The following CCNI2 variants were observed in gnomAD, a reference collection of about 807,000 sequenced individuals.
The protein encoded by CCNI2 is cyclin-I2.
A neutral mutation model predicts 33.2 loss-of-function variants in CCNI2; 32 were observed. That is an observed-to-expected ratio of 0.96 (90% CI 0.73 to 1.30). The LOEUF (loss-of-function observed/expected upper bound fraction) is 1.30, where lower values mean the gene tolerates loss of function less well. Ranked by LOEUF, CCNI2 falls within the 50% of genes most tolerant of loss-of-function variation. The probability of loss-of-function intolerance (pLI) is 0.00; values close to 1 mark genes in which losing one functional copy is unlikely to be tolerated. For synonymous variants in CCNI2, 231 were observed against 219.9 expected (o/e 1.05, Z -0.45); for missense variants, 452 against 486.2 (o/e 0.93, Z 0.66).
rs939738631 is a variant in CCNI2 at position 132,750,543 on chromosome 5, G to A, written c.634-314G>A. ...ACCCATGGCTCCTGGAAAGCTTGGG[G>A]TGAGTTCTTGCAGCTGAACAGGGGA... On this transcript the variant is annotated intron_variant, in intron 3 of 5. Transcript: ENST00000378731. Among the ~76,000 whole-genome samples, 3 of 152,188 alleles carry A rather than the reference G, an allele frequency of 2.0e-5. No homozygotes were observed. The East Asian group carries it at 5.8e-4, about 29-fold the overall frequency.
Position 132,748,356 on chromosome 5 carries a change from T to A in CCNI2, c.439T>A (p.Cys147Ser). Residue 147 changes from cysteine to serine, a missense_variant, in exon 2 of 6, where the codon TGC becomes AGC. Cys to Ser is a moderately radical substitution (Grantham distance 112). Coordinates refer to ENST00000378731, the MANE Select transcript of CCNI2 (RefSeq NM_001039780.4). ...CTCTTCTTCCTAGCAGGATGAAATCTGCGACGCCTTCGAGGAAGTCGTGCT... is the reference window on the plus strand; with the variant it reads ...CTCTTCTTCCTAGCAGGATGAAATCAGCGACGCCTTCGAGGAAGTCGTGCT... Reference protein sequence around the residue: ...WRGGKPQDEICDAFEEVVLWL... With the variant: ...WRGGKPQDEISDAFEEVVLWL... 1 of 1,614,130 alleles carries A rather than the reference T, an allele frequency of 6.2e-7. No homozygotes were observed. The highest frequency in any genetic ancestry group is 8.5e-7 in the Non-Finnish European group (1 of 1,179,996).
downstream of CCNI2, among the ~76,000 whole-genome samples, chr5:132,755,696 C>G (rs939588467): frequency 6.6e-6 from 1 of 152,208 alleles, no homozygotes; most frequent in Non-Finnish European, 1.5e-5. Context: ...GAACACTCCT[C>G]AAGGGCAGGT....
Position 132,750,839 on chromosome 5 carries a change from T to C in CCNI2, c.634-18T>C. Reference sequence around the variant, plus strand: ...TGACATGATGTAGGGCTTTGGCCTCTTTATTTTCTTTTTACAGTTTATTCC... The same window carrying C: ...TGACATGATGTAGGGCTTTGGCCTCCTTATTTTCTTTTTACAGTTTATTCC... On this transcript the variant is annotated intron_variant, in intron 3 of 5. Transcript: ENST00000378731. 5.0e-6 allele frequency: 8 copies of C among 1,612,224 alleles called. No homozygotes were observed. The highest frequency in any genetic ancestry group is 1.7e-4 in the Middle Eastern group (1 of 6,012).
chr5:132,747,426 A>C lies in CCNI2; in HGVS notation c.-70A>C. Reference sequence around the variant, plus strand: ...CTCCCCCGGCGGCGCCCCAGGCTGCAGTGTTCCGGGAGCTGGGTTATAAAA... The same window carrying C: ...CTCCCCCGGCGGCGCCCCAGGCTGCCGTGTTCCGGGAGCTGGGTTATAAAA... On this transcript the variant is annotated 5_prime_UTR_variant, in exon 1 of 6. Coordinates refer to ENST00000378731, the MANE Select transcript of CCNI2 (RefSeq NM_001039780.4). This position sits in a 1 kb window ranked among gnomAD's most constrained non-coding sequence, Gnocchi z 4.1. 7.6e-7 allele frequency: 1 copy of C among 1,321,602 alleles called. No homozygotes were observed. 81.9% of individuals were successfully genotyped at this position (1,321,602 alleles called of 1,614,324 possible). A position where few individuals can be genotyped will look rare whatever the true frequency, so the allele number is the denominator to read the frequency against.
At position 132,747,780 on chromosome 5, in the gene CCNI2, C is replaced by G; in HGVS notation, c.285C>G (p.Ala95=). The part of the protein sequence containing the change: ...AGKTADAVPA[A]APEQAPRPAP... ...AAACCGCAGACGCGGTCCCCGCCGC[C>G]GCCCCAGAGCAAGCTCCGCGGCCGG... The change falls in exon 1 of 6, where the codon GCC becomes GCG. Residue 95 remains alanine, a synonymous_variant. Transcript: ENST00000378731. This position sits in a 1 kb window ranked among gnomAD's most constrained non-coding sequence, Gnocchi z 4.1. 1 of 1,470,144 alleles carries G rather than the reference C, an allele frequency of 6.8e-7. No homozygotes were observed. Among genetic ancestry groups the G allele is most frequent in the Non-Finnish European group, 8.9e-7 (1 of 1,118,700 alleles). 91.1% of individuals were successfully genotyped at this position (1,470,144 alleles called of 1,614,324 possible).
intron 4 of CCNI2, 76 bp downstream of exon 4, chr5:132,751,073 G>A: frequency 6.4e-7 from 1 of 1,557,990 alleles, no homozygotes; most frequent in Non-Finnish European, 8.7e-7. Context: ...AACATGGGAT[G>A]GCAAAGCACA....
Position 132,752,850 on chromosome 5 carries a change from C to T in CCNI2, c.1006-16C>T. 1.2e-6 allele frequency: 2 copies of T among 1,604,314 alleles called. No individual in the cohort carries two copies. The highest frequency in any genetic ancestry group is 1.7e-6 in the Non-Finnish European group (2 of 1,171,798). ...TGATGGTTCTGCTTGAAGATGGCCA[C>T]TCTATTCTAATACAGGTTGGTGATA... is the stretch of plus-strand genomic sequence containing the variant. On this transcript the variant is annotated splice_polypyrimidine_tract_variant and intron_variant, in intron 5 of 5. Coordinates refer to ENST00000378731, the MANE Select transcript of CCNI2 (RefSeq NM_001039780.4).
chr5:132,747,898 C>G lies in CCNI2; in HGVS notation c.403C>G (p.Arg135Gly), dbSNP rs1006177020. Reference protein sequence around the residue: ...HLQLAQDREARLWRGGKPQDE... With the variant: ...HLQLAQDREAGLWRGGKPQDE... ...GCAGCTGGCCCAGGACCGCGAGGCGCGCCTGTGGCGGGGCGGCAAACCCCA... is the reference window on the plus strand; with the variant it reads ...GCAGCTGGCCCAGGACCGCGAGGCGGGCCTGTGGCGGGGCGGCAAACCCCA... Residue 135 changes from arginine (R) to glycine (G), a missense_variant, in exon 1 of 6, where the codon CGC becomes GGC. Coordinates refer to ENST00000378731, the MANE Select transcript of CCNI2 (RefSeq NM_001039780.4). This position sits in a 1 kb window ranked among gnomAD's most constrained non-coding sequence, Gnocchi z 4.1. 5.0e-6 allele frequency: 7 copies of G among 1,394,214 alleles called. No homozygotes were observed. The highest frequency in any genetic ancestry group is 6.5e-6 in the Non-Finnish European group (7 of 1,082,020). 86.4% of individuals were successfully genotyped at this position (1,394,214 alleles called of 1,614,324 possible). A position where few individuals can be genotyped will look rare whatever the true frequency, so the allele number is the denominator to read the frequency against.
rs1754659869 is a variant in CCNI2, at chr5:132,747,952, T to C, written c.429+28T>C. 2 of 1,362,594 alleles carry C rather than the reference T, an allele frequency of 1.5e-6. No homozygotes were observed. The highest frequency in any genetic ancestry group is 1.8e-5 in the South Asian group (1 of 56,856). The allele number at this position is 1,362,594 out of a possible 1,614,324, so 84.4% of individuals were successfully genotyped here. On this transcript the variant is annotated intron_variant, in intron 1 of 5. Coordinates refer to ENST00000378731, the MANE Select transcript of CCNI2 (RefSeq NM_001039780.4). The surrounding 1 kb of genome is among the most constrained non-coding windows in gnomAD (Gnocchi z 4.1). ...ACCCGTCGCTGCCGCGTGGCCCTCC[T>C]CGCGCGTGCACGGCAGGCGGATGTG...
Position 132,750,956 on chromosome 5 carries a change from T to C in CCNI2, c.733T>C (p.Trp245Arg), listed in dbSNP as rs1754793643. ...MELAILDRLH[W>R]DLYIGTPLDF... is the part of the protein sequence containing the mutation. ...GCTGGCTATTCTGGACAGACTGCAC[T>C]GGGACCTCTATATTGGGACGCCGCT... is the stretch of plus-strand genomic sequence containing the variant. Residue 245 changes from tryptophan (W) to arginine (R), a missense_variant, in exon 4 of 6, where the codon TGG becomes CGG. Transcript: ENST00000378731. The C allele has an allele frequency of 6.2e-7, 1 of 1,614,266 alleles. No homozygotes were observed. Among genetic ancestry groups the C allele is most frequent in the East Asian group, 2.2e-5 (1 of 44,892 alleles).
intron 4 of CCNI2, chr5:132,751,721 T>C (rs1338084829): frequency 3.5e-6 from 2 of 578,940 alleles, no homozygotes; most frequent in Non-Finnish European, 6.1e-6. Flanking sequence ...CTAGGTACTT[T>C]CCGCTCATAA....
chr5:132,747,942 G>T lies in CCNI2; in HGVS notation c.429+18G>T. On this transcript the variant is annotated intron_variant, in intron 1 of 5. Transcript: ENST00000378731. The surrounding 1 kb of genome is among the most constrained non-coding windows in gnomAD (Gnocchi z 4.1). ...AACCCCAGGTACCCGTCGCTGCCGC[G>T]TGGCCCTCCTCGCGCGTGCACGGCA... The T allele has an allele frequency of 2.9e-6, 4 of 1,365,376 alleles. No homozygotes were observed. Among genetic ancestry groups the T allele is most frequent in the Non-Finnish European group, 3.8e-6 (4 of 1,065,736 alleles). The allele number at this position is 1,365,376 out of a possible 1,614,324, so 84.6% of individuals were successfully genotyped here. A position where few individuals can be genotyped will look rare whatever the true frequency, so the allele number is the denominator to read the frequency against.
At position 132,751,946 on chromosome 5, in the gene CCNI2, T is replaced by G. The variant is rs775682601; in HGVS notation, c.775-20T>G. On this transcript the variant is annotated intron_variant, in intron 4 of 5. Transcript: ENST00000378731. ...AAGTATGGCGTTTTCTGTTCTAACATTAAAAACCATGGTCTCCAGTTCCAT... is the reference window on the plus strand; with the variant it reads ...AAGTATGGCGTTTTCTGTTCTAACAGTAAAAACCATGGTCTCCAGTTCCAT... 8 of 1,592,588 alleles carry G rather than the reference T, an allele frequency of 5.0e-6. No homozygotes were observed. In the South Asian group the frequency reaches 8.0e-5, roughly 16 times the overall value.
Position 132,747,843 on chromosome 5 carries a change from C to G in CCNI2, c.348C>G (p.Asp116Glu). The part of the protein sequence containing the change: ...QSRKPRNLEG[D>E]LDERRLLCHL... ...GCAAGCCGCGCAACCTGGAAGGCGA[C>G]CTGGACGAGCGCCGGCTGCTCTGCC... Residue 116 changes from aspartate (D) to glutamate (E), a missense_variant, in exon 1 of 6, where the codon GAC becomes GAG. Physicochemically the swap from Asp to Glu is conservative, Grantham distance 45. Transcript: ENST00000378731. The surrounding 1 kb of genome is among the most constrained non-coding windows in gnomAD (Gnocchi z 4.1). The G allele has an allele frequency of 6.8e-7, 1 of 1,478,716 alleles. No homozygotes were observed. The highest frequency in any genetic ancestry group is 8.9e-7 in the Non-Finnish European group (1 of 1,122,268). 91.6% of individuals were successfully genotyped at this position (1,478,716 alleles called of 1,614,324 possible).
Position 132,747,885 on chromosome 5 carries a change from G to C in CCNI2, c.390G>C (p.Gln130His). Reference sequence around the variant, plus strand: ...TGCTCTGCCACTTGCAGCTGGCCCAGGACCGCGAGGCGCGCCTGTGGCGGG... The same window carrying C: ...TGCTCTGCCACTTGCAGCTGGCCCACGACCGCGAGGCGCGCCTGTGGCGGG... ...RRLLCHLQLA[Q>H]DREARLWRGG... Residue 130 changes from glutamine (Q) to histidine (H), a missense_variant, in exon 1 of 6, where the codon CAG becomes CAC. Physicochemically the swap from Gln to His is conservative, Grantham distance 24 (BLOSUM62 0). Transcript: ENST00000378731. This position sits in a 1 kb window ranked among gnomAD's most constrained non-coding sequence, Gnocchi z 4.1. The C allele has an allele frequency of 7.1e-7, 1 of 1,417,752 alleles. No homozygotes were observed. The highest frequency in any genetic ancestry group is 9.1e-7 in the Non-Finnish European group (1 of 1,094,884). 87.8% of individuals were successfully genotyped at this position (1,417,752 alleles called of 1,614,324 possible).
chr5:132,750,852 T>C lies in CCNI2; in HGVS notation c.634-5T>C, dbSNP rs992932649. 5 of 1,612,332 alleles carry C rather than the reference T, an allele frequency of 3.1e-6. No individual in the cohort carries two copies. Among genetic ancestry groups the C allele is most frequent in the Admixed American group, 1.7e-5 (1 of 59,476 alleles). ...GGCTTTGGCCTCTTTATTTTCTTTT[T>C]ACAGTTTATTCCACAAGTAAAAGAC... On this transcript the variant is annotated splice_polypyrimidine_tract_variant and splice_region_variant and intron_variant, in intron 3 of 5. Transcript: ENST00000378731.
downstream of CCNI2, chr5:132,754,428 C>T (rs115268049): frequency 9.1e-4 from 651 of 717,452 alleles, 3 homozygotes; most frequent in African/African-American, 9.2e-3. Flanking sequence ...TTAGGCATCC[C>T]AGGCTTTAGG....
Position 132,747,517 on chromosome 5 carries a change from C to T in CCNI2, c.22C>T (p.Pro8Ser), listed in dbSNP as rs201976686. 551 of 1,496,642 alleles carry T rather than the reference C, an allele frequency of 3.7e-4. 4 individuals are homozygous for T. The African/African-American group carries it at 7.3e-3, about 20-fold the overall frequency. The allele number at this position is 1,496,642 out of a possible 1,614,324, so 92.7% of individuals were successfully genotyped here. Residue 8 changes from proline to serine, a missense_variant, in exon 1 of 6, where the codon CCG becomes TCG. Physicochemically the swap from Pro to Ser is moderately conservative, Grantham distance 74. Transcript: ENST00000378731. The surrounding 1 kb of genome is among the most constrained non-coding windows in gnomAD (Gnocchi z 4.1). ...CGACATGGCCTCGGGCGCTCAGCTC[C>T]CGCCGCAGCCGTCGAGCTCAGAGGT... MASGAQL[P>S]PQPSSSEVSA...
At chr5:132,755,554 A>G (rs967153797), downstream of CCNI2, among the ~76,000 whole-genome samples, 1 of 152,212 alleles carries the variant, frequency 6.6e-6, no homozygotes, top group Non-Finnish European at 1.5e-5. Flanking sequence ...CTTCAGCTAT[A>G]AAATGGGGAT....
Sources: allele counts gnomAD v4.1 joint callset (sites outside exome capture counted in the v4.1 genomes callset), GRCh38; gene constraint gnomAD v4.1.1; non-coding constraint Gnocchi (gnomAD v3.1); transcripts MANE v1.5; gene names NCBI Gene and HGNC (gene_info 2026-07-23, HGNC 2026-07-21).